The following CDC42BPA variants were observed in gnomAD, a reference collection of about 807,000 sequenced individuals.
CDC42BPA encodes CDC42 binding protein kinase alpha.
CDC42BPA carries 80 observed loss-of-function variants against 223.5 expected under a neutral mutation model. The ratio of observed to expected loss-of-function variants is 0.36; its 90% CI spans 0.30 to 0.43. The LOEUF is 0.43. Ranked by LOEUF, CDC42BPA falls within the 20% of genes least tolerant of loss-of-function variation. The pLI, the probability that CDC42BPA is intolerant of heterozygous loss-of-function variation, is 1.00. For synonymous variants in CDC42BPA, 694 were observed against 718.6 expected (o/e 0.97, Z 0.55); for missense variants, 1,743 against 2,099.9 (o/e 0.83, Z 3.32).
intron 34 of CDC42BPA, among the ~76,000 whole-genome samples, chr1:227,008,523 T>C (rs192067781): frequency 4.3e-4 from 66 of 152,300 alleles, no homozygotes; most frequent in African/African-American, 1.5e-3. Context: ...AACTGGAAAC[T>C]GAGTTCCCAG....
rs201976574 is a variant in CDC42BPA at position 227,026,042 on chromosome 1, A to C, written c.4530+13T>G. 1.8e-4 allele frequency: 261 copies of C among 1,449,534 alleles called. No homozygotes were observed. Among genetic ancestry groups the C allele is most frequent in the Non-Finnish European group, 2.4e-4 (253 of 1,036,736 alleles). 89.8% of individuals were successfully genotyped at this position (1,449,534 alleles called of 1,614,324 possible). A position where few individuals can be genotyped will look rare whatever the true frequency, so the allele number is the denominator to read the frequency against. ...ACTCAGTTGGCTTAGCCCACATTTT[A>C]ATGTTAAATTACCTTTTTGAGAGGA... On this transcript the variant is annotated intron_variant, in intron 31 of 36. Transcript: ENST00000366766.
At chr1:227,266,707 C>CAA (rs1685059222) in intron 1 of CDC42BPA, among the ~76,000 whole-genome samples, 1 of 152,174 alleles carries the variant, frequency 6.6e-6, no homozygotes, top group African/African-American at 2.4e-5. Context: ...GAATAGGACT[C>CAA]ATAATCTTCA....
In CDC42BPA at chr1:226,994,435, G is replaced by A. The variant is rs1483544789; in HGVS notation, c.5134-36C>T. ...CAAAGTAAAACATTAATGAGAAGGA[G>A]GGGGAGAAAGGGAGGCAGAAGGGGC... On this transcript the variant is annotated intron_variant, in intron 36 of 36. Transcript: ENST00000366766. The surrounding 1 kb of genome is among the most constrained non-coding windows in gnomAD (Gnocchi z 4.0). 1 of 1,464,364 alleles carries A rather than the reference G, an allele frequency of 6.8e-7. No homozygotes were observed. The highest frequency in any genetic ancestry group is 2.6e-5 in the Admixed American group (1 of 38,802). The allele number at this position is 1,464,364 out of a possible 1,614,324, so 90.7% of individuals were successfully genotyped here. A position where few individuals can be genotyped will look rare whatever the true frequency, so the allele number is the denominator to read the frequency against.
chr1:227,035,630 G>A (rs764718295), intron 24 of CDC42BPA, 23 bp from the exon 25 acceptor site: 10 of 1,547,742 alleles, frequency 6.5e-6, no homozygotes, highest in South Asian at 3.7e-5. Context: ...AAAAAGAAAC[G>A]TTTGATAAAA....
chr1:227,192,328 T>G (rs1669859964), intron 5 of CDC42BPA, among the ~76,000 whole-genome samples: 1 of 152,102 alleles, frequency 6.6e-6, no homozygotes, highest in Non-Finnish European at 1.5e-5. Flanking sequence ...GTGTGGTCAC[T>G]ACACCAGCAG....
intron 1 of CDC42BPA, among the ~76,000 whole-genome samples, chr1:227,302,285 C>T (rs1195336583): frequency 1.3e-5 from 2 of 152,178 alleles, no homozygotes; most frequent in Non-Finnish European, 2.9e-5. Context: ...GTCCCACATC[C>T]TGGGAAGCTC....
intron 2 of CDC42BPA, among the ~76,000 whole-genome samples, chr1:227,245,155 C>T (rs1285663432): frequency 6.6e-6 from 1 of 152,126 alleles, no homozygotes; most frequent in Admixed American, 6.5e-5. Flanking sequence ...ACTAGGGTTG[C>T]TCATGACCTA....
At chr1:227,309,749 T>A (rs16847618) in intron 1 of CDC42BPA, among the ~76,000 whole-genome samples, 1 of 152,018 alleles carries the variant, frequency 6.6e-6, no homozygotes, top group Non-Finnish European at 1.5e-5. Flanking sequence ...TAAAGAAAAG[T>A]AAGCTTAATT....
In CDC42BPA at chr1:226,992,659, G is replaced by A. The variant is rs1442800497; in HGVS notation, c.*1609C>T. 6.6e-6 allele frequency: 1 copy of A among 152,264 alleles called. No individual in the cohort carries two copies. The highest frequency in any genetic ancestry group is 1.5e-5 in the Non-Finnish European group (1 of 68,048). The allele number at this position is 152,264 out of a possible 1,614,324, so 9.4% of individuals were successfully genotyped here. A position where few individuals can be genotyped will look rare whatever the true frequency, so the allele number is the denominator to read the frequency against. The stretch of plus-strand genomic sequence containing the variant: ...CTTCATTTTCACTGAATTTTAAAGA[G>A]AGAATCCTGTCTCTATTTCTCAGAG... On this transcript the variant is annotated 3_prime_UTR_variant, in exon 37 of 37. Transcript: ENST00000366766.
chr1:227,074,025 G>T lies in CDC42BPA; in HGVS notation c.2587-13C>A, dbSNP rs1324640103. On this transcript the variant is annotated splice_polypyrimidine_tract_variant and intron_variant, in intron 18 of 36. Transcript: ENST00000366766. ...TCCAGGGCATATCCTATGAAATAAT[G>T]ACTGTGTTTTTAGTTCCATCCTATT... 6.2e-7 allele frequency: 1 copy of T among 1,606,140 alleles called. No individual in the cohort carries two copies. The highest frequency in any genetic ancestry group is 1.3e-5 in the African/African-American group (1 of 74,384).
chr1:227,228,092 AAC>A (rs1257169673), intron 2 of CDC42BPA, among the ~76,000 whole-genome samples: 1 of 152,146 alleles, frequency 6.6e-6, no homozygotes. Flanking sequence ...GGAGGGGAAC[AAC>A]ACACAGTGAG....
chr1:227,121,239 T>C (rs1454600270), intron 11 of CDC42BPA, among the ~76,000 whole-genome samples: 1 of 152,222 alleles, frequency 6.6e-6, no homozygotes, highest in East Asian at 1.9e-4. Flanking sequence ...ATCTATACAG[T>C]ATCCTCAAGT....
At chr1:227,064,611 TG>T (rs1676596726) in intron 21 of CDC42BPA, among the ~76,000 whole-genome samples, 1 of 152,090 alleles carries the variant, frequency 6.6e-6, no homozygotes, top group South Asian at 2.1e-4. Context: ...AGAAAGAGGC[TG>T]GGGCTAACAT....
chr1:227,269,552 A>G (rs1372426177), intron 1 of CDC42BPA, among the ~76,000 whole-genome samples: 1 of 152,226 alleles, frequency 6.6e-6, no homozygotes, highest in East Asian at 1.9e-4. Context: ...CCTGTAAGGT[A>G]AAAGATAACA....
At chr1:226,996,533 T>C (rs909112246) in intron 35 of CDC42BPA, among the ~76,000 whole-genome samples, 1 of 152,242 alleles carries the variant, frequency 6.6e-6, no homozygotes, top group Non-Finnish European at 1.5e-5. Context: ...AGGGCATCCT[T>C]GTCTGGTTGC....
chr1:227,061,785 C>T (rs576608032), intron 21 of CDC42BPA, among the ~76,000 whole-genome samples: 1 of 152,288 alleles, frequency 6.6e-6, no homozygotes, highest in South Asian at 2.1e-4. Context: ...TTCCTTCACC[C>T]TTTCTTCAAT....
At chr1:227,006,355 G>T (rs193045444) in intron 34 of CDC42BPA, among the ~76,000 whole-genome samples, 49 of 152,312 alleles carry the variant, frequency 3.2e-4, no homozygotes, top group Admixed American at 1.9e-3. Context: ...CATGGTGGCT[G>T]TGAGCACAGG....
At chr1:227,090,932 A>G (rs1197742752) in intron 16 of CDC42BPA, among the ~76,000 whole-genome samples, 1 of 152,210 alleles carries the variant, frequency 6.6e-6, no homozygotes, top group Non-Finnish European at 1.5e-5. Context: ...TGGGAAAAAA[A>G]TTCCTTTAAG....
chr1:227,025,906 T>C (rs1668162272), intron 31 of CDC42BPA, 149 bp downstream of exon 31: 2 of 548,966 alleles, frequency 3.6e-6, no homozygotes, highest in South Asian at 4.9e-5. Context: ...TTTATTTCTG[T>C]TTCTATTTTC....
Sources: gnomAD v4.1 joint callset for allele counts (sites outside exome capture counted in the v4.1 genomes callset) on GRCh38, gnomAD v4.1.1 for gene constraint, Gnocchi (gnomAD v3.1) non-coding constraint, MANE v1.5 for transcripts, NCBI Gene and HGNC (gene_info 2026-07-23, HGNC 2026-07-21) for gene names.